Variants in RALGPS1 observed in about 807,000 individuals in gnomAD.
The protein encoded by RALGPS1 is Ral GEF with PH domain and SH3 binding motif 1.
A neutral mutation model predicts 78.8 loss-of-function variants in RALGPS1; 19 were observed. The observed-to-expected ratio is 0.24, with a 90% confidence interval of 0.17 to 0.35. The LOEUF (loss-of-function observed/expected upper bound fraction) is 0.35, where lower values mean the gene tolerates loss of function less well. RALGPS1 is among the 10% of genes least tolerant of loss of function. RALGPS1 has a pLI of 1.00. For missense variants in RALGPS1, 454 were observed against 688.3 expected (o/e 0.66, Z 3.81); for synonymous variants, 228 against 256.3 (o/e 0.89, Z 1.06).
chr9:127,107,242 A>T (rs1268290422), intron 8 of RALGPS1: 1 of 152,244 alleles, frequency 6.6e-6, no homozygotes, highest in Non-Finnish European at 1.5e-5. Flanking sequence ...TGTAACATAC[A>T]TGGAAATGTC....
At chr9:126,953,044 A>G (rs2038010797) in intron 1 of RALGPS1, among the ~76,000 whole-genome samples, 2 of 152,136 alleles carry the variant, frequency 1.3e-5, no homozygotes, top group South Asian at 4.1e-4. Flanking sequence ...AAAAGTGATT[A>G]TTATGCCTTC....
intron 4 of RALGPS1, among the ~76,000 whole-genome samples, chr9:127,015,451 A>G (rs1417454611): frequency 6.6e-6 from 1 of 152,074 alleles, no homozygotes; most frequent in African/African-American, 2.4e-5. Context: ...ATTAGTGTTT[A>G]TTATTATTAT....
intron 11 of RALGPS1, among the ~76,000 whole-genome samples, chr9:127,188,831 C>CT (rs536418593): frequency 0.034 from 1,358 of 40,372 alleles, 298 homozygotes; most frequent in Middle Eastern, 0.058. Flanking sequence ...CCCATCTCTA[C>CT]TAAAAAAAAA....
intron 7 of RALGPS1, among the ~76,000 whole-genome samples, chr9:127,056,531 G>A (rs1262783426): frequency 6.6e-6 from 1 of 152,090 alleles, no homozygotes; most frequent in African/African-American, 2.4e-5. Flanking sequence ...GACTACATTT[G>A]GCATAGAACA....
intron 8 of RALGPS1, among the ~76,000 whole-genome samples, chr9:127,133,374 C>A (rs115978983): frequency 1.0e-4 from 16 of 152,384 alleles, no homozygotes; most frequent in African/African-American, 3.8e-4. Context: ...CCCTTGGAAG[C>A]GCAGCTCAGT....
At chr9:127,003,570 T>C (rs752894653) in intron 4 of RALGPS1, among the ~76,000 whole-genome samples, 4 of 152,230 alleles carry the variant, frequency 2.6e-5, no homozygotes, top group Non-Finnish European at 5.9e-5. Context: ...ACATGCCTTT[T>C]GTTAGACATA....
chr9:127,055,075 C>T (rs1442489885), intron 7 of RALGPS1, among the ~76,000 whole-genome samples: 1 of 151,776 alleles, frequency 6.6e-6, no homozygotes, highest in Non-Finnish European at 1.5e-5. Flanking sequence ...ATGGAATTTG[C>T]ACCCAGGACC....
At chr9:127,176,800 T>TC (rs551121005) in intron 11 of RALGPS1, among the ~76,000 whole-genome samples, 188 of 152,120 alleles carry the variant, frequency 1.2e-3, no homozygotes, top group African/African-American at 4.4e-3. Context: ...GAGCCCAGGG[T>TC]CAGGCACAGG....
chr9:126,979,101 T>C (rs1347496968), intron 4 of RALGPS1, among the ~76,000 whole-genome samples: 1 of 152,196 alleles, frequency 6.6e-6, no homozygotes, highest in Non-Finnish European at 1.5e-5. Flanking sequence ...ACAAAGAGCA[T>C]ATCTTAACAC....
rs535669559 is a variant in RALGPS1 at position 126,954,325 on chromosome 9, A to G, written c.-65-7900A>G. Among the ~76,000 whole-genome samples the G allele has an allele frequency of 2.6e-5, 4 of 152,316 alleles. No homozygotes were observed. In the South Asian group the frequency reaches 8.3e-4, roughly 32 times the overall value. On this transcript the variant is annotated intron_variant, in intron 1 of 18. Transcript: ENST00000259351. ...AGTAAGTCTTGTCTATGCAACCTCC[A>G]GAACATCTCCTGGATCCATTCCCCA...
intron 7 of RALGPS1, among the ~76,000 whole-genome samples, chr9:127,067,560 A>T (rs531193553): frequency 5.9e-5 from 9 of 152,232 alleles, no homozygotes; most frequent in Non-Finnish European, 1.2e-4. Flanking sequence ...CTGCTTCCCC[A>T]GGTGCTAGGC....
rs765006237 is a variant in RALGPS1, at chr9:127,174,788, G to A, written c.910+6G>A. ...TTCCAAGGAAGATCTTGCAGGTATC[G>A]TAGCTACCTCGAGTGGGAGCAAACC... On this transcript the variant is annotated splice_donor_region_variant and intron_variant, in intron 11 of 18. Transcript: ENST00000259351. The A allele has an allele frequency of 3.1e-6, 5 of 1,613,248 alleles. No homozygotes were observed. Among genetic ancestry groups the A allele is most frequent in the East Asian group, 4.5e-5 (2 of 44,900 alleles).
chr9:127,125,917 T>A (rs980648453), intron 8 of RALGPS1, among the ~76,000 whole-genome samples: 9 of 152,336 alleles, frequency 5.9e-5, no homozygotes, highest in Admixed American at 2.0e-4. Context: ...TTTCGTGTCT[T>A]ACCACCTTCC....
intron 4 of RALGPS1, among the ~76,000 whole-genome samples, chr9:126,986,840 C>G (rs959507482): frequency 6.6e-6 from 1 of 152,170 alleles, no homozygotes. Flanking sequence ...CCTCACCCCT[C>G]TAGCTTGGAG....
At chr9:127,198,652 A>G (rs1287232748) in intron 13 of RALGPS1, among the ~76,000 whole-genome samples, 1 of 152,238 alleles carries the variant, frequency 6.6e-6, no homozygotes, top group Admixed American at 6.5e-5. Context: ...ATTTGGCCTC[A>G]CCAGGTGAGG....
At chr9:127,052,813 C>G (rs766976916) in intron 6 of RALGPS1, 34 bp from the exon 7 acceptor site, 2 of 1,385,576 alleles carry the variant, frequency 1.4e-6, no homozygotes, top group African/African-American at 1.4e-5. Flanking sequence ...TTGTTTATAG[C>G]AGCAAAATAA....
rs1253977804 is a variant in RALGPS1 at position 127,212,901 on chromosome 9, G to T, written c.1447-43G>T. ...ACGTCGGCCTCCCTTGTGGAGTGGA[G>T]GGCTGGGCCCCGGTCTCCGGATGTG... On this transcript the variant is annotated intron_variant, in intron 16 of 18. Coordinates refer to ENST00000259351, the MANE Select transcript of RALGPS1 (RefSeq NM_014636.3). The surrounding 1 kb of genome is among the most constrained non-coding windows in gnomAD (Gnocchi z 6.0). 1.1e-5 allele frequency: 18 copies of T among 1,613,322 alleles called. No homozygotes were observed. The highest frequency in any genetic ancestry group is 1.5e-5 in the Non-Finnish European group (18 of 1,179,666).
chr9:127,168,912 G>T, intron 10 of RALGPS1, 140 bp downstream of exon 10: 1 of 670,352 alleles, frequency 1.5e-6, no homozygotes. Context: ...CAGCAGTAGC[G>T]CCCAGGCCCC....
At chr9:127,179,220 A>G (rs2060065870) in intron 11 of RALGPS1, among the ~76,000 whole-genome samples, 1 of 152,186 alleles carries the variant, frequency 6.6e-6, no homozygotes, top group Non-Finnish European at 1.5e-5. Context: ...GAAGGTTTTC[A>G]TTGATCACTA....
Sources: gnomAD v4.1 joint callset for allele counts (sites outside exome capture counted in the v4.1 genomes callset) on GRCh38, gnomAD v4.1.1 for gene constraint, Gnocchi (gnomAD v3.1) non-coding constraint, MANE v1.5 for transcripts, NCBI Gene and HGNC (gene_info 2026-07-23, HGNC 2026-07-21) for gene names.